Variants in SNRNP27 observed in about 807,000 individuals in gnomAD.
The protein encoded by SNRNP27 is small nuclear ribonucleoprotein U4/U6.U5 subunit 27.
In SNRNP27, 22 loss-of-function variants were observed where a neutral mutation model predicts 25.1. The ratio of observed to expected loss-of-function variants is 0.88; its 90% confidence interval spans 0.63 to 1.25. The LOEUF (loss-of-function observed/expected upper bound fraction) is 1.25, where lower values mean the gene tolerates loss of function less well. Ranked by LOEUF, SNRNP27 falls within the 50% of genes most tolerant of loss-of-function variation. SNRNP27 has a pLI of 0.00. For synonymous variants in SNRNP27, 66 were observed against 64.9 expected, an observed-to-expected ratio of 1.02 and a Z score of -0.08; for missense variants, 150 against 202.3, an observed-to-expected ratio of 0.74 and a Z score of 1.57.
intron 4 of SNRNP27, among the ~76,000 whole-genome samples, chr2:69,901,390 T>C (rs889228681): frequency 1.3e-5 from 2 of 152,134 alleles, no homozygotes; most frequent in Non-Finnish European, 2.9e-5. Flanking sequence ...TTGAGTTGAC[T>C]TGGCTGATCA....
At chr2:69,896,647 T>A (rs1221929260) in intron 3 of SNRNP27, 99 bp downstream of exon 3, 3 of 1,194,644 alleles carry the variant, frequency 2.5e-6, no homozygotes, top group Non-Finnish European at 3.4e-6. Flanking sequence ...TTTATAGTAT[T>A]CATTGCATAT....
Position 69,904,351 on chromosome 2 carries a change from G to A in SNRNP27, c.*43G>A, listed in dbSNP as rs768148626. On this transcript the variant is annotated 3_prime_UTR_variant, in exon 6 of 6. Transcript: ENST00000244227. ...GATGATTTTTTTTCCCCTCATCTTG[G>A]TCAGAGAGTGGATTTTGTATTTTGT... 1.4e-6 allele frequency: 2 copies of A among 1,435,774 alleles called. No individual in the cohort carries two copies. The highest frequency in any genetic ancestry group is 1.2e-5 in the South Asian group (1 of 86,294). The allele number at this position is 1,435,774 out of a possible 1,614,324, so 88.9% of individuals were successfully genotyped here. A position where few individuals can be genotyped will look rare whatever the true frequency, so the allele number is the denominator to read the frequency against.
At chr2:69,896,407 T>C (rs1483669753) in intron 2 of SNRNP27, 29 bp from the exon 3 acceptor site, 1 of 1,604,834 alleles carries the variant, frequency 6.2e-7, no homozygotes, top group African/African-American at 1.3e-5. Flanking sequence ...TGTCTGTCTG[T>C]TTCTAACATC....
Position 69,904,373 on chromosome 2 carries a change from T to A in SNRNP27, c.*65T>A, listed in dbSNP as rs957016726. 1 of 1,258,818 alleles carries A rather than the reference T, an allele frequency of 7.9e-7. No homozygotes were observed. Among genetic ancestry groups the A allele is most frequent in the African/African-American group, 1.5e-5 (1 of 67,910 alleles). 78.0% of individuals were successfully genotyped at this position (1,258,818 alleles called of 1,614,324 possible). A position where few individuals can be genotyped will look rare whatever the true frequency, so the allele number is the denominator to read the frequency against. ...TTGGTCAGAGAGTGGATTTTGTATT[T>A]TGTATTTAACTTGCATTCAAAAAAC... On this transcript the variant is annotated 3_prime_UTR_variant, in exon 6 of 6. Transcript: ENST00000244227.
At chr2:69,902,705 CTG>C (rs1297178800) in intron 4 of SNRNP27, among the ~76,000 whole-genome samples, 1 of 152,078 alleles carries the variant, frequency 6.6e-6, no homozygotes, top group African/African-American at 2.4e-5. Context: ...GCTTCTTCTT[CTG>C]CTTCTGCTGC....
At chr2:69,903,077 C>A in intron 4 of SNRNP27, 104 bp from the exon 5 acceptor site, 1 of 892,754 alleles carries the variant, frequency 1.1e-6, no homozygotes, top group Non-Finnish European at 1.9e-6. Context: ...CGCCAAGTAG[C>A]TGGGAGTACA....
chr2:69,901,147 C>T (rs911192927), intron 4 of SNRNP27, among the ~76,000 whole-genome samples: 3 of 149,694 alleles, frequency 2.0e-5, no homozygotes, highest in Non-Finnish European at 4.4e-5. Context: ...GCACTCTAGC[C>T]TAGTGGCAGA....
intron 4 of SNRNP27, among the ~76,000 whole-genome samples, chr2:69,898,460 G>A (rs1366778520): frequency 6.6e-6 from 1 of 151,432 alleles, no homozygotes; most frequent in African/African-American, 2.4e-5. Context: ...GAGAGGGAGG[G>A]TGTGTGGAAA....
rs1676776999 is a variant in SNRNP27 at position 69,905,180 on chromosome 2, C to T, written c.*872C>T. On this transcript the variant is annotated 3_prime_UTR_variant, in exon 6 of 6. Transcript: ENST00000244227. ...TTTATTGGTAAACATTGGCTTGCCT[C>T]CCATGACTTGCCATTATAATTAAAA... The T allele has an allele frequency of 6.6e-6, 1 of 152,126 alleles. No homozygotes were observed. The highest frequency in any genetic ancestry group is 1.5e-5 in the Non-Finnish European group (1 of 68,020). 9.4% of individuals were successfully genotyped at this position (152,126 alleles called of 1,614,324 possible).
At chr2:69,896,089 G>C (rs185544610) in intron 2 of SNRNP27, among the ~76,000 whole-genome samples, 1 of 151,768 alleles carries the variant, frequency 6.6e-6, no homozygotes, top group East Asian at 1.9e-4. Context: ...TTAGTAGCGT[G>C]AGCCACCAAG....
Position 69,898,434 on chromosome 2 carries a change from G to C in SNRNP27, c.348+978G>C, listed in dbSNP as rs1488213903. Reference sequence around the variant, plus strand: ...TGGGTATAGAGAGAGGAAATGAAGAGAGGAGAGGGGATGGAGAGAGGGAGG... The same window carrying C: ...TGGGTATAGAGAGAGGAAATGAAGACAGGAGAGGGGATGGAGAGAGGGAGG... On this transcript the variant is annotated intron_variant, in intron 4 of 5. Transcript: ENST00000244227. 1.3e-5 allele frequency among the ~76,000 whole-genome samples: 2 copies of C among 151,730 alleles called. 1 individual carries two copies. The highest frequency in any genetic ancestry group is 4.8e-5 in the African/African-American group (2 of 41,242).
At chr2:69,899,673 A>G (rs564445765) in intron 4 of SNRNP27, among the ~76,000 whole-genome samples, 1 of 152,110 alleles carries the variant, frequency 6.6e-6, no homozygotes, top group African/African-American at 2.4e-5. Flanking sequence ...GAAGGGATCC[A>G]CCTGCCTTGG....
intron 5 of SNRNP27, 69 bp downstream of exon 5, chr2:69,903,314 A>T: frequency 1.8e-6 from 2 of 1,092,184 alleles, no homozygotes; most frequent in Admixed American, 3.5e-5. Context: ...TTATTATGAG[A>T]TAATCATGTT....
rs139699067 is a variant in SNRNP27 at position 69,896,537 on chromosome 2, G to A, written c.257G>A (p.Arg86Gln). 3.2e-4 allele frequency: 519 copies of A among 1,602,024 alleles called. No individual in the cohort carries two copies. The highest frequency in any genetic ancestry group is 4.2e-4 in the Non-Finnish European group (496 of 1,172,434). The change falls in exon 3 of 6, where the codon CGG becomes CAG. Residue 86 changes from arginine to glutamine, a missense_variant. This residue lies in a region of SNRNP27 where 142 missense variants were observed against 168.6 expected (regional missense o/e 0.84). Transcript: ENST00000244227. The stretch of plus-strand genomic sequence containing the variant: ...ACAAAAGAAACAAAGAGCAAAGAAC[G>A]GCAGATTACTGGTAATGTTATTAGA... ...KETKETKSKE[R>Q]QITEEDLEGK...
At chr2:69,902,135 A>G (rs1018476715) in intron 4 of SNRNP27, among the ~76,000 whole-genome samples, 6 of 152,208 alleles carry the variant, frequency 3.9e-5, no homozygotes, top group African/African-American at 1.4e-4. Flanking sequence ...GCAGAGAGTT[A>G]TACCACTTGG....
At chr2:69,895,462 C>T (rs1676584362) in intron 2 of SNRNP27, among the ~76,000 whole-genome samples, 1 of 152,176 alleles carries the variant, frequency 6.6e-6, no homozygotes, top group African/African-American at 2.4e-5. Context: ...GAGCATGGTG[C>T]TTGGCAAGAA....
In SNRNP27 at chr2:69,894,012, C is replaced by T. The variant is rs1437963459; in HGVS notation, c.28C>T (p.Arg10Trp). 3 of 1,613,840 alleles carry T rather than the reference C, an allele frequency of 1.9e-6. No homozygotes were observed. Among genetic ancestry groups the T allele is most frequent in the Non-Finnish European group, 2.5e-6 (3 of 1,179,810 alleles). The change falls in exon 1 of 6, where the codon CGG becomes TGG. Residue 10 changes from arginine (R) to tryptophan (W), a missense_variant. Physicochemically the swap from Arg to Trp is moderately radical, Grantham distance 101. Around this residue, in one of 2 missense-constraint regions of SNRNP27, gnomAD observed 142 missense variants for 168.6 expected, o/e 0.84. Coordinates refer to ENST00000244227, the MANE Select transcript of SNRNP27 (RefSeq NM_006857.3). Reference protein sequence around the residue: MGRSRSRSPRRERRRSRSTS... With the variant: MGRSRSRSPWRERRRSRSTS... The stretch of plus-strand genomic sequence containing the variant: ...GGGTCGCAGTCGCAGCCGCTCTCCA[C>T]GGAGGGGTGAGTCCTGTAGCAATTC...
chr2:69,895,970 G>GT (rs1676592626), intron 2 of SNRNP27, among the ~76,000 whole-genome samples: 1 of 123,014 alleles, frequency 8.1e-6, no homozygotes. Context: ...CTTTTTTTTG[G>GT]TTTGTTTTTT....
intron 4 of SNRNP27, among the ~76,000 whole-genome samples, chr2:69,898,686 T>C (rs1262695504): frequency 1.3e-5 from 2 of 152,164 alleles, no homozygotes; most frequent in Admixed American, 1.3e-4. Context: ...TGTTTTAAAA[T>C]GACAGTGTGT....
Sources: gnomAD v4.1 joint callset for allele counts (sites outside exome capture counted in the v4.1 genomes callset) on GRCh38, gnomAD v4.1.1 for gene constraint, gnomAD v4.1.1 regional missense constraint, MANE v1.5 for transcripts, NCBI Gene and HGNC (gene_info 2026-07-23, HGNC 2026-07-21) for gene names.